The following CSMD3 variants were observed in gnomAD, a reference collection of about 807,000 sequenced individuals.
The protein encoded by CSMD3 is CUB and Sushi multiple domains 3.
Under a neutral mutation model 435.2 loss-of-function variants are expected in CSMD3, and 177 were observed. That is an observed-to-expected ratio of 0.41 (90% CI 0.36 to 0.46). The LOEUF is 0.46. Ranked by LOEUF, CSMD3 falls within the 20% of genes least tolerant of loss-of-function variation. The pLI is 0.34. For missense variants in CSMD3, 4,265 were observed against 4,504.6 expected (o/e 0.95, Z 1.52); for synonymous variants, 1,656 against 1,520.5 (o/e 1.09, Z -2.07).
At chr8:113,248,173 A>G (rs2093295674) in intron 3 of CSMD3, among the ~76,000 whole-genome samples, 1 of 151,906 alleles carries the variant, frequency 6.6e-6, no homozygotes, top group South Asian at 2.1e-4. Flanking sequence ...TGATAATTTA[A>G]TGAAGCATAA....
chr8:112,324,255 C>A (rs2130890097), intron 45 of CSMD3, among the ~76,000 whole-genome samples: 1 of 152,058 alleles, frequency 6.6e-6, no homozygotes, highest in Non-Finnish European at 1.5e-5. Flanking sequence ...GCAAGCTTGC[C>A]AGCCTAGAAA....
At chr8:113,251,695 C>A (rs1469821569) in intron 3 of CSMD3, among the ~76,000 whole-genome samples, 1 of 151,894 alleles carries the variant, frequency 6.6e-6, no homozygotes, top group African/African-American at 2.4e-5. Flanking sequence ...ATATTGGGAG[C>A]ATTAATTTAA....
At chr8:113,041,458 T>C (rs1358215487) in intron 5 of CSMD3, among the ~76,000 whole-genome samples, 1 of 152,080 alleles carries the variant, frequency 6.6e-6, no homozygotes, top group African/African-American at 2.4e-5. Flanking sequence ...TACCTTGTCC[T>C]TGCTAAGTGA....
At chr8:112,786,812 C>G (rs770600654) in intron 13 of CSMD3, among the ~76,000 whole-genome samples, 1 of 151,942 alleles carries the variant, frequency 6.6e-6, no homozygotes, top group Non-Finnish European at 1.5e-5. Context: ...TAGGCATACA[C>G]GTGTCATGGT....
chr8:112,588,953 T>G (rs950554710), intron 22 of CSMD3, among the ~76,000 whole-genome samples: 1 of 152,166 alleles, frequency 6.6e-6, no homozygotes, highest in African/African-American at 2.4e-5. Context: ...AAGACAAATG[T>G]AATCTGGATT....
chr8:112,902,596 T>A (rs2082136364), intron 10 of CSMD3, among the ~76,000 whole-genome samples: 1 of 151,254 alleles, frequency 6.6e-6, no homozygotes, highest in Non-Finnish European at 1.5e-5. Flanking sequence ...GCGTTAGTCA[T>A]GTTAAAACTA....
intron 5 of CSMD3, among the ~76,000 whole-genome samples, chr8:113,089,301 T>G: frequency 6.6e-6 from 1 of 152,222 alleles, no homozygotes; most frequent in South Asian, 2.1e-4. Flanking sequence ...ATCTGTTCTA[T>G]GCCAAAGGGT....
chr8:112,803,345 C>G (rs2079004115), intron 12 of CSMD3, among the ~76,000 whole-genome samples: 1 of 152,130 alleles, frequency 6.6e-6, no homozygotes, highest in South Asian at 2.1e-4. Flanking sequence ...CTACAAAGGA[C>G]AAGGCCACAA....
At chr8:112,604,840 A>G (rs1832667621) in intron 22 of CSMD3, among the ~76,000 whole-genome samples, 2 of 152,180 alleles carry the variant, frequency 1.3e-5, no homozygotes, top group Middle Eastern at 3.2e-3. Flanking sequence ...TTAACTGAGT[A>G]AACAGACAAC....
intron 1 of CSMD3, among the ~76,000 whole-genome samples, chr8:113,384,405 A>G (rs1260546509): frequency 6.6e-6 from 1 of 152,174 alleles, no homozygotes; most frequent in East Asian, 1.9e-4. Context: ...CCAGACAGGA[A>G]GACAAAAAAC....
chr8:112,630,024 C>T (rs1000841049), intron 22 of CSMD3, among the ~76,000 whole-genome samples: 1 of 152,106 alleles, frequency 6.6e-6, no homozygotes, highest in African/African-American at 2.4e-5. Flanking sequence ...TTCAGTTCCA[C>T]AACACAAGAA....
intron 36 of CSMD3, among the ~76,000 whole-genome samples, chr8:112,389,196 CT>C (rs1358038357): frequency 1.3e-5 from 2 of 151,990 alleles, no homozygotes; most frequent in African/African-American, 2.4e-5. Context: ...AAGATGATAA[CT>C]AAAGAAAACA....
chr8:113,013,932 G>A (rs191400475), intron 6 of CSMD3, among the ~76,000 whole-genome samples: 28 of 152,222 alleles, frequency 1.8e-4, no homozygotes, highest in Admixed American at 1.3e-3. Context: ...GAGGTCAGAA[G>A]GGCAGAAGTG....
rs1470712880 is a variant in CSMD3, at chr8:112,521,741, A to AG, written c.4565-4517dup. On this transcript the variant is annotated intron_variant, in intron 27 of 70. Transcript: ENST00000297405. ...AAGTGCCTATTTAACTTCTGTACTT[A>AG]GATATCTGGTAGGTTCCTTAACTTA... Among the ~76,000 whole-genome samples, 54 of 152,026 alleles carry AG rather than the reference A, an allele frequency of 3.6e-4. 2 individuals carry two copies. In the South Asian group the frequency reaches 1.0e-2, roughly 28 times the overall value.
chr8:112,933,727 T>A (rs2083191663), intron 9 of CSMD3, among the ~76,000 whole-genome samples: 1 of 151,946 alleles, frequency 6.6e-6, no homozygotes, highest in Non-Finnish European at 1.5e-5. Context: ...TAATTCGACA[T>A]TTTTTTTATG....
chr8:112,970,776 C>G (rs1424273720), intron 7 of CSMD3, among the ~76,000 whole-genome samples: 2 of 150,688 alleles, frequency 1.3e-5, no homozygotes, highest in Non-Finnish European at 2.9e-5. Flanking sequence ...GGCTGGAGTG[C>G]AGTGGTGCGA....
intron 20 of CSMD3, among the ~76,000 whole-genome samples, chr8:112,641,845 C>G (rs1053532702): frequency 6.6e-6 from 1 of 151,818 alleles, no homozygotes; most frequent in African/African-American, 2.4e-5. Flanking sequence ...AAAAAACAAA[C>G]AAACAAACAA....
At chr8:112,613,511 C>T (rs1412352600) in intron 22 of CSMD3, among the ~76,000 whole-genome samples, 1 of 152,038 alleles carries the variant, frequency 6.6e-6, no homozygotes, top group Non-Finnish European at 1.5e-5. Context: ...CACATAATTT[C>T]AAAGATGTGA....
chr8:113,335,565 G>GTTTTTTTTTTTTTTTTTTTTTT (rs1263100966), intron 1 of CSMD3, among the ~76,000 whole-genome samples: 1 of 98,124 alleles, frequency 1.0e-5, no homozygotes, highest in Non-Finnish European at 1.9e-5. Flanking sequence ...TTTTTTTTGG[G>GTTTTTTTTTTTTTTTTTTTTTT]TATTTACATG....
Sources: gnomAD v4.1 joint callset for allele counts (sites outside exome capture counted in the v4.1 genomes callset) on GRCh38, gnomAD v4.1.1 for gene constraint, MANE v1.5 for transcripts, NCBI Gene and HGNC (gene_info 2026-07-23, HGNC 2026-07-21) for gene names.